The following ATP8A2 variants were observed in gnomAD, a reference collection of about 807,000 sequenced individuals.
ATP8A2 encodes ATPase phospholipid transporting 8A2.
Under a neutral mutation model 165.6 loss-of-function variants are expected in ATP8A2, and 100 were observed. The observed-to-expected ratio is 0.60, with a 90% CI of 0.51 to 0.71. The LOEUF is 0.71. Among genes scored for constraint, ATP8A2 ranks in the 30% least tolerant of loss-of-function variants. ATP8A2 has a pLI of 0.00. For synonymous variants in ATP8A2, 543 were observed against 548.8 expected (o/e 0.99, Z 0.15); for missense variants, 1,227 against 1,479.5 (o/e 0.83, Z 2.80).
At chr13:25,749,057 C>G (rs2044099015) in intron 25 of ATP8A2, among the ~76,000 whole-genome samples, 1 of 152,148 alleles carries the variant, frequency 6.6e-6, no homozygotes, top group African/African-American at 2.4e-5. Context: ...ATTGAGATAG[C>G]AGATAGCAGA....
At chr13:25,469,732 G>A (rs763256770) in intron 2 of ATP8A2, among the ~76,000 whole-genome samples, 1 of 152,160 alleles carries the variant, frequency 6.6e-6, no homozygotes, top group Non-Finnish European at 1.5e-5. Context: ...ATTGAAGCAG[G>A]CCAGGAGACT....
chr13:25,894,989 A>G (rs1953489516), intron 33 of ATP8A2, among the ~76,000 whole-genome samples: 1 of 152,170 alleles, frequency 6.6e-6, no homozygotes, highest in Admixed American at 6.5e-5. Flanking sequence ...AACAGGGAGA[A>G]TTTGACTTCC....
chr13:25,564,335 T>G (rs2039249623), intron 16 of ATP8A2, among the ~76,000 whole-genome samples: 1 of 152,230 alleles, frequency 6.6e-6, no homozygotes, highest in African/African-American at 2.4e-5. Context: ...CAGTACTATT[T>G]TGTCACAGTT....
At chr13:25,562,557 G>T (rs1456241660) in intron 15 of ATP8A2, among the ~76,000 whole-genome samples, 2 of 152,142 alleles carry the variant, frequency 1.3e-5, no homozygotes, top group African/African-American at 4.8e-5. Context: ...GGTCTTTCTT[G>T]TCAGCTGTTC....
intron 30 of ATP8A2, among the ~76,000 whole-genome samples, chr13:25,853,784 T>C (rs1952079610): frequency 6.6e-6 from 1 of 152,182 alleles, no homozygotes; most frequent in African/African-American, 2.4e-5. Context: ...TCCTAAGCTA[T>C]GTTGAGGAGG....
At chr13:25,393,166 G>C (rs2137978560) in intron 1 of ATP8A2, among the ~76,000 whole-genome samples, 1 of 135,560 alleles carries the variant, frequency 7.4e-6, no homozygotes. Context: ...GGCTTGCTCT[G>C]TCACCCAGGC....
chr13:25,532,224 C>T (rs2038136818), intron 4 of ATP8A2, 48 bp from the exon 5 acceptor site: 2 of 1,441,084 alleles, frequency 1.4e-6, no homozygotes, highest in African/African-American at 2.8e-5. Flanking sequence ...TTCAATTATT[C>T]ATGTGGAACT....
chr13:25,540,517 A>G (rs763986220), intron 8 of ATP8A2, 129 bp downstream of exon 8: 36 of 694,574 alleles, frequency 5.2e-5, no homozygotes, highest in Middle Eastern at 5.4e-4. Flanking sequence ...AATGGAATCT[A>G]TGGGAAGAAT....
At chr13:25,839,287 G>A (rs1207826491) in intron 29 of ATP8A2, among the ~76,000 whole-genome samples, 2 of 151,998 alleles carry the variant, frequency 1.3e-5, no homozygotes, top group Non-Finnish European at 2.9e-5. Flanking sequence ...AGATTGTGTT[G>A]GTCTGCATAC....
intron 33 of ATP8A2, among the ~76,000 whole-genome samples, chr13:25,954,708 C>T (rs1226442945): frequency 2.0e-5 from 3 of 152,178 alleles, no homozygotes; most frequent in Admixed American, 2.0e-4. Flanking sequence ...GCTGTTGATA[C>T]CCAGACAAAC....
At position 25,628,474 on chromosome 13, in the gene ATP8A2, C is replaced by T. The variant is rs560269699; in HGVS notation, c.2211+38775C>T. Among the ~76,000 whole-genome samples the T allele has an allele frequency of 4.6e-5, 7 of 152,284 alleles. No homozygotes were observed. The East Asian group carries it at 5.8e-4, about 13-fold the overall frequency. ...TTCCTTGCCTTTTATTCATTCTCAT[C>T]GCTTTGCCTGAGTATTCTTTCCTCT... On this transcript the variant is annotated intron_variant, in intron 24 of 36. Coordinates refer to ENST00000381655, the MANE Select transcript of ATP8A2 (RefSeq NM_016529.6).
At position 25,838,820 on chromosome 13, in the gene ATP8A2, G is replaced by A. The variant is rs560457232; in HGVS notation, c.2878-726G>A. Among the ~76,000 whole-genome samples, 12 of 152,234 alleles carry A rather than the reference G, an allele frequency of 7.9e-5. No individual in the cohort carries two copies. The South Asian group carries it at 1.9e-3, about 24-fold the overall frequency. ...ATAGCTCTGGTCTACAGCTCCCAGC[G>A]TGAGCAACGCAGAAGACAGGTGATT... On this transcript the variant is annotated intron_variant, in intron 29 of 36. Coordinates refer to ENST00000381655, the MANE Select transcript of ATP8A2 (RefSeq NM_016529.6).
At chr13:25,448,742 C>T (rs998049902) in intron 1 of ATP8A2, among the ~76,000 whole-genome samples, 1 of 152,154 alleles carries the variant, frequency 6.6e-6, no homozygotes, top group Non-Finnish European at 1.5e-5. Flanking sequence ...CTCTGCCTCC[C>T]AGGTTCAAGT....
chr13:25,397,147 T>G (rs1461089175), intron 1 of ATP8A2, among the ~76,000 whole-genome samples: 1 of 152,178 alleles, frequency 6.6e-6, no homozygotes, highest in Non-Finnish European at 1.5e-5. Context: ...CCTCCTTATC[T>G]CAGGTTGTCG....
chr13:25,476,491 C>T (rs1261735093), intron 2 of ATP8A2, among the ~76,000 whole-genome samples: 2 of 152,088 alleles, frequency 1.3e-5, no homozygotes, highest in East Asian at 3.9e-4. Flanking sequence ...GGTTTCACCA[C>T]ATGGGCCAGG....
chr13:25,866,951 C>T (rs906201106), intron 33 of ATP8A2, among the ~76,000 whole-genome samples: 1 of 152,162 alleles, frequency 6.6e-6, no homozygotes, highest in Non-Finnish European at 1.5e-5. Flanking sequence ...TAGGGAATTA[C>T]ACCACGAGAC....
At chr13:25,772,948 C>T (rs926124078) in intron 26 of ATP8A2, among the ~76,000 whole-genome samples, 2 of 151,902 alleles carry the variant, frequency 1.3e-5, no homozygotes, top group Admixed American at 6.6e-5. Flanking sequence ...TTAGCAGAGA[C>T]GGCGTTTCAC....
chr13:25,667,137 A>T (rs528379606), intron 24 of ATP8A2, among the ~76,000 whole-genome samples: 1 of 152,318 alleles, frequency 6.6e-6, no homozygotes, highest in Non-Finnish European at 1.5e-5. Flanking sequence ...TCCATTAAAC[A>T]GTAACTCAAC....
At chr13:25,640,273 T>C (rs2041482390) in intron 24 of ATP8A2, among the ~76,000 whole-genome samples, 1 of 151,632 alleles carries the variant, frequency 6.6e-6, no homozygotes, top group East Asian at 1.9e-4. Context: ...CTGAAGGAAA[T>C]AGAGACACAA....
Sources: gnomAD v4.1 joint callset for allele counts (sites outside exome capture counted in the v4.1 genomes callset) on GRCh38, gnomAD v4.1.1 for gene constraint, MANE v1.5 for transcripts, NCBI Gene and HGNC (gene_info 2026-07-23, HGNC 2026-07-21) for gene names.